Variants in MRPS35 observed in about 807,000 individuals in gnomAD.
The protein encoded by MRPS35 is mitochondrial ribosomal protein S35.
MRPS35 carries 29 observed loss-of-function variants against 32.7 expected under a neutral mutation model. That is an observed-to-expected ratio of 0.89 (90% CI 0.66 to 1.21). The LOEUF (loss-of-function observed/expected upper bound fraction) is 1.21, where lower values mean the gene tolerates loss of function less well. Ranked by LOEUF, MRPS35 falls within the 50% of genes most tolerant of loss-of-function variation. The pLI is 0.00. For missense variants in MRPS35, 373 were observed against 383.8 expected (o/e 0.97, Z 0.23); for synonymous variants, 148 against 139.3 (o/e 1.06, Z -0.44).
chr12:27,732,539 C>T (rs142755937), intron 5 of MRPS35, among the ~76,000 whole-genome samples: 3 of 152,024 alleles, frequency 2.0e-5, no homozygotes, highest in African/African-American at 7.3e-5. Flanking sequence ...CAAGGGTAAA[C>T]GTAGGTCAAA....
At chr12:27,737,467 T>C in intron 6 of MRPS35, 72 bp from the exon 7 acceptor site, 1 of 969,200 alleles carries the variant, frequency 1.0e-6, no homozygotes, top group Non-Finnish European at 1.7e-6. Context: ...ATTTAGTATA[T>C]TGCATATTTT....
At chr12:27,731,204 A>G (rs960361298) in intron 5 of MRPS35, among the ~76,000 whole-genome samples, 2 of 152,170 alleles carry the variant, frequency 1.3e-5, no homozygotes, top group Non-Finnish European at 2.9e-5. Flanking sequence ...TTCTGGCACT[A>G]CAAAATGCTC....
chr12:27,737,488 C>T, intron 6 of MRPS35, 51 bp from the exon 7 acceptor site: 1 of 1,464,426 alleles, frequency 6.8e-7, no homozygotes, highest in South Asian at 1.2e-5. Flanking sequence ...GCAAATTTTT[C>T]TGTGTACTGA....
chr12:27,743,539 A>C (rs1369031595), intron 7 of MRPS35, among the ~76,000 whole-genome samples: 2 of 152,072 alleles, frequency 1.3e-5, no homozygotes, highest in East Asian at 3.9e-4. Context: ...AAAATAAATA[A>C]ATAAAATAAA....
intron 3 of MRPS35, 40 bp from the exon 4 acceptor site, chr12:27,719,768 G>T: frequency 8.1e-7 from 1 of 1,241,192 alleles, no homozygotes; most frequent in Non-Finnish European, 1.2e-6. Context: ...ATGTTTTTAA[G>T]ACATTTAGCT....
intron 7 of MRPS35, among the ~76,000 whole-genome samples, chr12:27,740,412 C>T (rs912654260): frequency 5.9e-5 from 9 of 151,992 alleles, no homozygotes; most frequent in Admixed American, 2.0e-4. Flanking sequence ...GGACTACAGG[C>T]GCATGGCACC....
At chr12:27,751,138 A>AAAAAGG (rs577950975) in intron 7 of MRPS35, among the ~76,000 whole-genome samples, 1,597 of 150,816 alleles carry the variant, frequency 0.011, 16 homozygotes, top group Non-Finnish European at 0.013. Flanking sequence ...AAAAGAAAAG[A>AAAAAGG]AAAAGGAAAA....
At chr12:27,730,595 G>A (rs12099840) in intron 5 of MRPS35, among the ~76,000 whole-genome samples, 9,343 of 152,112 alleles carry the variant, frequency 0.061, 938 homozygotes, top group African/African-American at 0.21. Context: ...GACTACAAGC[G>A]CAAGCCACCA....
chr12:27,746,093 C>G (rs2061981255), intron 7 of MRPS35, among the ~76,000 whole-genome samples: 1 of 152,080 alleles, frequency 6.6e-6, no homozygotes, highest in African/African-American at 2.4e-5. Context: ...ATGCTTAGGC[C>G]CTGCAGAATC....
chr12:27,727,593 C>T (rs1343633382), intron 5 of MRPS35, among the ~76,000 whole-genome samples: 1 of 151,938 alleles, frequency 6.6e-6, no homozygotes, highest in African/African-American at 2.4e-5. Flanking sequence ...ATGTCTTTGT[C>T]AAAAAATATT....
rs943045583 is a variant in MRPS35 at position 27,756,269 on chromosome 12, A to G, written c.*819A>G. 2.0e-5 allele frequency: 3 copies of G among 152,274 alleles called. No homozygotes were observed. The highest frequency in any genetic ancestry group is 2.9e-5 in the Non-Finnish European group (2 of 68,050). The allele number at this position is 152,274 out of a possible 1,614,324, so 9.4% of individuals were successfully genotyped here. ...CTTCGATGGTTGTGATTAATTTAAAATCAAAATAAAGGAATTACTGAGTTT... is the reference window on the plus strand; with the variant it reads ...CTTCGATGGTTGTGATTAATTTAAAGTCAAAATAAAGGAATTACTGAGTTT... On this transcript the variant is annotated 3_prime_UTR_variant, in exon 8 of 8. Coordinates refer to ENST00000081029, the MANE Select transcript of MRPS35 (RefSeq NM_021821.4).
Position 27,710,897 on chromosome 12 carries a change from T to C in MRPS35, c.54T>C (p.Thr18=), listed in dbSNP as rs748655948. 6.2e-7 allele frequency: 1 copy of C among 1,612,954 alleles called. No homozygotes were observed. The highest frequency in any genetic ancestry group is 8.5e-7 in the Non-Finnish European group (1 of 1,179,916). The change falls in exon 1 of 8, where the codon ACT becomes ACC. Residue 18 remains threonine, a synonymous_variant. Coordinates refer to ENST00000081029, the MANE Select transcript of MRPS35 (RefSeq NM_021821.4). ...TGTCTCTGCAGTCGAGGGCAAGGAC[T>C]CTGCGTGCATTCTCCACTGCCGTCT... is the stretch of plus-strand genomic sequence containing the variant. ...AWLSLQSRAR[T]LRAFSTAVYS...
At chr12:27,730,214 A>G (rs2061916274) in intron 5 of MRPS35, among the ~76,000 whole-genome samples, 1 of 152,162 alleles carries the variant, frequency 6.6e-6, no homozygotes, top group Non-Finnish European at 1.5e-5. Flanking sequence ...TTTCTGTTCC[A>G]GAATCCCATC....
rs1246334867 is a variant in MRPS35, at chr12:27,745,706, C to G, written c.702+8098C>G. Among the ~76,000 whole-genome samples, 3 of 152,044 alleles carry G rather than the reference C, an allele frequency of 2.0e-5. No individual in the cohort carries two copies. The South Asian group carries it at 6.2e-4, about 32-fold the overall frequency. The stretch of plus-strand genomic sequence containing the variant: ...TTAACATTAGGTATATCTCCTAATG[C>G]TATCCCTTCCCCCTGCCCCCCACAA... On this transcript the variant is annotated intron_variant, in intron 7 of 7. Coordinates refer to ENST00000081029, the MANE Select transcript of MRPS35 (RefSeq NM_021821.4).
chr12:27,730,493 C>T (rs1046847930), intron 5 of MRPS35, among the ~76,000 whole-genome samples: 12 of 152,130 alleles, frequency 7.9e-5, no homozygotes, highest in Admixed American at 7.2e-4. Flanking sequence ...CTGTCACTTA[C>T]GCTGGAGTGC....
intron 5 of MRPS35, among the ~76,000 whole-genome samples, chr12:27,732,244 G>T (rs755704613): frequency 6.6e-6 from 1 of 152,176 alleles, no homozygotes; most frequent in Non-Finnish European, 1.5e-5. Flanking sequence ...GTGGGCCTCC[G>T]TCTTCAGTCC....
intron 5 of MRPS35, among the ~76,000 whole-genome samples, chr12:27,725,371 G>A (rs77341300): frequency 0.012 from 1,842 of 152,128 alleles, 43 homozygotes; most frequent in African/African-American, 0.042. Context: ...ATAATACAGG[G>A]CTACCATAAT....
chr12:27,719,651 C>T (rs569764636), intron 3 of MRPS35, among the ~76,000 whole-genome samples, 157 bp from the exon 4 acceptor site: 19 of 144,352 alleles, frequency 1.3e-4, no homozygotes, highest in African/African-American at 3.9e-4. Flanking sequence ...CCGGCCTGGG[C>T]GACAGAGCGA....
intron 7 of MRPS35, chr12:27,753,103 T>C (rs2140786870): frequency 6.6e-6 from 1 of 152,272 alleles, no homozygotes; most frequent in African/African-American, 2.4e-5. Context: ...CTCAACTGGA[T>C]ATTTCTAGAA....
Sources: gnomAD v4.1 joint callset for allele counts (sites outside exome capture counted in the v4.1 genomes callset) on GRCh38, gnomAD v4.1.1 for gene constraint, MANE v1.5 for transcripts, NCBI Gene and HGNC (gene_info 2026-07-23, HGNC 2026-07-21) for gene names.